Variants in SKIL observed in about 807,000 individuals in gnomAD.
SKIL encodes SKI like proto-oncogene.
Under a neutral mutation model 69.6 loss-of-function variants are expected in SKIL, and 20 were observed. The observed-to-expected ratio is 0.29, with a 90% CI of 0.20 to 0.42. SKIL has a LOEUF of 0.42. Among genes scored for constraint, SKIL ranks in the 10% least tolerant of loss-of-function variants. The pLI is 1.00. For missense variants in SKIL, 745 were observed against 783.1 expected (o/e 0.95, Z 0.58); for synonymous variants, 310 against 279.9 (o/e 1.11, Z -1.08).
At chr3:170,373,214 T>G (rs576873956) in intron 2 of SKIL, among the ~76,000 whole-genome samples, 2 of 152,168 alleles carry the variant, frequency 1.3e-5, no homozygotes, top group African/African-American at 2.4e-5. Context: ...TCGCCCAGGC[T>G]GGAGTACAGT....
intron 1 of SKIL, among the ~76,000 whole-genome samples, chr3:170,358,940 A>G (rs1194026301): frequency 1.3e-5 from 2 of 152,222 alleles, no homozygotes; most frequent in African/African-American, 2.4e-5. Flanking sequence ...GTGTACACGG[A>G]CTAGCTGAAT....
chr3:170,378,553 CTTTTTTT>C (rs373084445), intron 2 of SKIL, among the ~76,000 whole-genome samples: 2 of 118,996 alleles, frequency 1.7e-5, no homozygotes, highest in Non-Finnish European at 3.3e-5. Flanking sequence ...CTCTCTCTCT[CTTTTTTT>C]TTTTTTTTGG....
intron 2 of SKIL, among the ~76,000 whole-genome samples, chr3:170,367,908 AT>A (rs1427560100): frequency 6.6e-6 from 1 of 152,004 alleles, no homozygotes; most frequent in African/African-American, 2.4e-5. Flanking sequence ...AACTTAAAAA[AT>A]TTTTTTTCCC....
At chr3:170,374,416 T>A (rs1736933814) in intron 2 of SKIL, among the ~76,000 whole-genome samples, 1 of 152,190 alleles carries the variant, frequency 6.6e-6, no homozygotes, top group Non-Finnish European at 1.5e-5. Flanking sequence ...CTTAAGCTAC[T>A]AAATGATCCA....
At chr3:170,363,781 G>A (rs1228847312) in intron 2 of SKIL, among the ~76,000 whole-genome samples, 2 of 151,974 alleles carry the variant, frequency 1.3e-5, no homozygotes, top group Non-Finnish European at 2.9e-5. Context: ...CACTGCTCTC[G>A]GCCTATTAAC....
In SKIL at chr3:170,390,413, A is replaced by G. The variant is rs1194494792; in HGVS notation, c.1620A>G (p.Lys540=). Residue 540 remains lysine, a synonymous_variant, in exon 5 of 7, where the codon AAA becomes AAG. Transcript: ENST00000259119. ...IMEEVMRTYL[K]QQEKLNLILQ... ...AAGAAGTAATGAGAACTTATTTAAA[A>G]CAACAGGAAAAACTAAACTTGATTT... 6.2e-7 allele frequency: 1 copy of G among 1,613,236 alleles called. No homozygotes were observed. The highest frequency in any genetic ancestry group is 1.7e-5 in the Admixed American group (1 of 60,018).
rs560861437 is a variant in SKIL, at chr3:170,374,970, G to T, written c.1099-6274G>T. ...GAATAACCTTGTAAAAGGCTACCTTGGGAATTAATGAGCTGCACTGTCATT... is the reference window on the plus strand; with the variant it reads ...GAATAACCTTGTAAAAGGCTACCTTTGGAATTAATGAGCTGCACTGTCATT... On this transcript the variant is annotated intron_variant, in intron 2 of 6. Transcript: ENST00000259119. Among the ~76,000 whole-genome samples, 27 of 152,270 alleles carry T rather than the reference G, an allele frequency of 1.8e-4. No individual in the cohort carries two copies. The South Asian group carries it at 5.4e-3, about 30-fold the overall frequency.
At chr3:170,391,323 T>A in intron 6 of SKIL, 63 bp downstream of exon 6, 2 of 932,038 alleles carry the variant, frequency 2.1e-6, no homozygotes, top group Non-Finnish European at 3.2e-6. Flanking sequence ...GTTACTTCTC[T>A]CTTTTTTTTT....
intron 2 of SKIL, among the ~76,000 whole-genome samples, chr3:170,362,224 C>T (rs1343512877): frequency 6.6e-6 from 1 of 152,124 alleles, no homozygotes; most frequent in Non-Finnish European, 1.5e-5. Context: ...AAAAACCTGC[C>T]GGGCTCAGTG....
intron 3 of SKIL, among the ~76,000 whole-genome samples, chr3:170,382,622 A>G (rs1447421564): frequency 6.6e-6 from 1 of 151,762 alleles, no homozygotes; most frequent in Admixed American, 6.6e-5. Flanking sequence ...CATGTTGGCC[A>G]GGCTGGTTTT....
At chr3:170,368,136 T>C (rs1051469485) in intron 2 of SKIL, among the ~76,000 whole-genome samples, 1 of 152,214 alleles carries the variant, frequency 6.6e-6, no homozygotes, top group Non-Finnish European at 1.5e-5. Flanking sequence ...TGGGACAGAA[T>C]GTGATCTAGT....
intron 2 of SKIL, among the ~76,000 whole-genome samples, chr3:170,373,993 CAA>C (rs778813914): frequency 2.6e-5 from 4 of 152,028 alleles, no homozygotes; most frequent in Non-Finnish European, 4.4e-5. Flanking sequence ...AAAGGAGTGA[CAA>C]GAAGTTTTTT....
At chr3:170,383,709 A>T (rs1466173486) in intron 3 of SKIL, among the ~76,000 whole-genome samples, 1 of 152,176 alleles carries the variant, frequency 6.6e-6, no homozygotes, top group Non-Finnish European at 1.5e-5. Context: ...GCTGGGCGAC[A>T]TTCAGAGCTC....
rs1450442164 is a variant in SKIL, at chr3:170,385,783, CT to C, written c.1429+1022del. Among the ~76,000 whole-genome samples the C allele has an allele frequency of 3.5e-4, 53 of 149,912 alleles. 1 individual carries two copies. The highest frequency in any genetic ancestry group is 2.0e-4 in the East Asian group (1 of 5,106). On this transcript the variant is annotated intron_variant, in intron 4 of 6. Transcript: ENST00000259119. The stretch of plus-strand genomic sequence containing the variant: ...GAGAATTGAGATTCTTGGGGGTTTT[CT>C]TTTCTTTCTTTCTTTCTTTTTTTTC...
intron 3 of SKIL, among the ~76,000 whole-genome samples, chr3:170,381,728 TG>T (rs897289339): frequency 6.6e-6 from 1 of 152,030 alleles, no homozygotes; most frequent in African/African-American, 2.4e-5. Context: ...CCACTGTGCC[TG>T]ACCACGAATT....
chr3:170,360,499 CTA>C lies in SKIL; in HGVS notation c.170_171del (p.Tyr57TrpfsTer8). 3 of 1,614,108 alleles carry C rather than the reference CTA, an allele frequency of 1.9e-6. No individual in the cohort carries two copies. Among genetic ancestry groups the C allele is most frequent in the Non-Finnish European group, 2.5e-6 (3 of 1,179,998 alleles). ...PTVKKEHLDDYGEAPVETDGE... is the reference protein window; with the variant it reads ...PTVKKEHLDDXGEAPVETDGE... ...CAGTTAAGAAGGAACACTTGGATGACTATGGAGAAGCACCAGTGGAAACTGAT... is the reference window on the plus strand; with the variant it reads ...CAGTTAAGAAGGAACACTTGGATGACTGGAGAAGCACCAGTGGAAACTGAT... On this transcript the variant is annotated frameshift_variant, in exon 2 of 7. Coordinates refer to ENST00000259119, the MANE Select transcript of SKIL (RefSeq NM_005414.5). LOFTEE classifies it high-confidence loss of function.
intron 2 of SKIL, among the ~76,000 whole-genome samples, chr3:170,376,377 T>C (rs914748096): frequency 6.6e-6 from 1 of 152,138 alleles, no homozygotes; most frequent in Non-Finnish European, 1.5e-5. Context: ...ACTGATTTGT[T>C]AGAATGAACT....
chr3:170,365,752 C>CTTTTTTTTTTGTTTTTTTTTTTTT (rs1736468865), intron 2 of SKIL, among the ~76,000 whole-genome samples: 1 of 106,498 alleles, frequency 9.4e-6, no homozygotes, highest in African/African-American at 4.0e-5. Flanking sequence ...TCAAACTAGG[C>CTTTTTTTTTTGTTTTTTTTTTTTT]TTTTTTTTTT....
chr3:170,374,070 AAT>A (rs1276271772), intron 2 of SKIL, among the ~76,000 whole-genome samples: 1 of 152,236 alleles, frequency 6.6e-6, no homozygotes, highest in Non-Finnish European at 1.5e-5. Flanking sequence ...GTATCACTAA[AAT>A]AGAGTGGTTC....
Sources: gnomAD v4.1 joint callset for allele counts (sites outside exome capture counted in the v4.1 genomes callset) on GRCh38, gnomAD v4.1.1 for gene constraint, MANE v1.5 for transcripts, NCBI Gene and HGNC (gene_info 2026-07-23, HGNC 2026-07-21) for gene names.